The following UTS2B variants were observed in gnomAD, a reference collection of about 807,000 sequenced individuals.
UTS2B encodes urotensin-2B.
A neutral mutation model predicts 19.2 loss-of-function variants in UTS2B; 21 were observed. The ratio of observed to expected loss-of-function variants is 1.09; its 90% confidence interval spans 0.78 to 1.58. UTS2B has a LOEUF of 1.58. Ranked by LOEUF, UTS2B falls within the 40% of genes most tolerant of loss-of-function variation. The pLI, the probability that UTS2B is intolerant of heterozygous loss-of-function variation, is 0.00. For synonymous variants in UTS2B, 57 were observed against 50.2 expected (o/e 1.14, Z -0.58); for missense variants, 138 against 130.3 (o/e 1.06, Z -0.29).
chr3:191,334,030 GTGTTTT>G (rs1018315050), upstream of UTS2B, among the ~76,000 whole-genome samples: 42 of 152,168 alleles, frequency 2.8e-4, no homozygotes, highest in African/African-American at 9.6e-4. Context: ...ATGCTATTTT[GTGTTTT>G]TGATTTTTAC....
At chr3:191,310,045 C>G (rs1252332304) in intron 3 of UTS2B, among the ~76,000 whole-genome samples, 1 of 152,116 alleles carries the variant, frequency 6.6e-6, no homozygotes, top group Non-Finnish European at 1.5e-5. Flanking sequence ...TCACTGCAAC[C>G]TCTGCTTCCC....
At chr3:191,308,533 A>C (rs1331820135) in intron 3 of UTS2B, among the ~76,000 whole-genome samples, 1 of 152,068 alleles carries the variant, frequency 6.6e-6, no homozygotes, top group African/African-American at 2.4e-5. Context: ...TCTTGCAATT[A>C]TTGAGATTTG....
upstream of UTS2B, among the ~76,000 whole-genome samples, chr3:191,334,658 C>T (rs1208725836): frequency 6.6e-6 from 1 of 152,122 alleles, no homozygotes; most frequent in African/African-American, 2.4e-5. Context: ...CTTATTCTTC[C>T]CTCCATTTCT....
intron 8 of UTS2B, among the ~76,000 whole-genome samples, chr3:191,271,460 T>A (rs1381752011): frequency 6.6e-6 from 1 of 152,182 alleles, no homozygotes; most frequent in Non-Finnish European, 1.5e-5. Context: ...GTCTCAGTGA[T>A]CAGCTTTCTG....
the UTS2B span, among the ~76,000 whole-genome samples, chr3:191,340,155 C>T: frequency 6.6e-6 from 1 of 152,274 alleles, no homozygotes; most frequent in South Asian, 2.1e-4. Context: ...TAATCTGTCT[C>T]CTCACAGGTC....
At chr3:191,324,077 G>C (rs554312205) in intron 2 of UTS2B, among the ~76,000 whole-genome samples, 7 of 152,260 alleles carry the variant, frequency 4.6e-5, no homozygotes, top group African/African-American at 1.7e-4. Flanking sequence ...CTGCCCTTAT[G>C]AATGCATTAA....
chr3:191,322,710 G>C (rs974589361), intron 2 of UTS2B, among the ~76,000 whole-genome samples: 10 of 152,220 alleles, frequency 6.6e-5, no homozygotes, highest in Non-Finnish European at 8.8e-5. Context: ...ATGCAGTAGA[G>C]AGAGAAAATT....
At chr3:191,318,810 T>TTTTTTG (rs1162792657) in intron 2 of UTS2B, among the ~76,000 whole-genome samples, 1 of 152,164 alleles carries the variant, frequency 6.6e-6, no homozygotes, top group Non-Finnish European at 1.5e-5. Flanking sequence ...TACATAGTTG[T>TTTTTTG]TTTTTGTTTT....
At chr3:191,274,068 C>T (rs573056663) in intron 8 of UTS2B, among the ~76,000 whole-genome samples, 1 of 151,832 alleles carries the variant, frequency 6.6e-6, no homozygotes, top group Non-Finnish European at 1.5e-5. Context: ...TGCCATTGCA[C>T]TCCAGCCTGG....
chr3:191,293,930 G>A (rs775898045), intron 4 of UTS2B, among the ~76,000 whole-genome samples: 17 of 151,626 alleles, frequency 1.1e-4, no homozygotes, highest in Non-Finnish European at 2.4e-4. Context: ...CCAACATGGA[G>A]AAACCCTGTC....
At chr3:191,284,438 C>CA (rs1314248919) in intron 4 of UTS2B, among the ~76,000 whole-genome samples, 3 of 151,902 alleles carry the variant, frequency 2.0e-5, no homozygotes, top group Admixed American at 1.3e-4. Context: ...TCCCCTGCCT[C>CA]AGCCTCTTGA....
chr3:191,314,517 G>A (rs1339851140), intron 3 of UTS2B, among the ~76,000 whole-genome samples: 1 of 152,106 alleles, frequency 6.6e-6, no homozygotes, highest in African/African-American at 2.4e-5. Flanking sequence ...ACATATATTT[G>A]GTCTTTGACC....
rs546153841 is a variant in UTS2B, at chr3:191,323,730, A to C, written c.-586+4901T>G. On this transcript the variant is annotated intron_variant, in intron 2 of 8. Coordinates refer to ENST00000340524, the MANE Select transcript of UTS2B (RefSeq NM_198152.5). ...CAAAATGAGCTGTCAAATTTAAGCC[A>C]GTTAAGAAGAAAATGGGTATAGGGT... Among the ~76,000 whole-genome samples, 4 of 152,314 alleles carry C rather than the reference A, an allele frequency of 2.6e-5. No individual in the cohort carries two copies. The South Asian group carries it at 8.3e-4, about 32-fold the overall frequency.
intron 8 of UTS2B, among the ~76,000 whole-genome samples, chr3:191,274,169 C>A (rs899741013): frequency 1.3e-5 from 2 of 151,982 alleles, no homozygotes; most frequent in African/African-American, 4.8e-5. Context: ...TCATCCTTCA[C>A]CCTTACTGGC....
At chr3:191,334,124 G>GAT (rs1188231069), upstream of UTS2B, among the ~76,000 whole-genome samples, 1 of 152,076 alleles carries the variant, frequency 6.6e-6, no homozygotes, top group African/African-American at 2.4e-5. Flanking sequence ...AGGAATCTTA[G>GAT]ATAATTTGCA....
At chr3:191,296,533 C>T (rs6769915) in intron 4 of UTS2B, among the ~76,000 whole-genome samples, 109,417 of 152,164 alleles carry the variant, frequency 0.72, 40,199 homozygotes, top group African/African-American at 0.89. Context: ...TGTGAACATA[C>T]GGTTACTATC....
chr3:191,329,806 G>C, intron 1 of UTS2B: 3 of 1,443,936 alleles, frequency 2.1e-6, no homozygotes, highest in East Asian at 5.0e-5. Flanking sequence ...TTGCCATTTC[G>C]GCTCCCGCGG....
chr3:191,323,150 T>TGTTATTTTATTTTATTTAC (rs60408453), intron 2 of UTS2B, among the ~76,000 whole-genome samples: 1 of 120,468 alleles, frequency 8.3e-6, no homozygotes, highest in Non-Finnish European at 1.8e-5. Context: ...TTTTATTTTA[T>TGTTATTTTATTTTATTTAC]TTATTTATTT....
At position 191,280,274 on chromosome 3, in the gene UTS2B, G is replaced by A. The variant is rs184158195; in HGVS notation, c.103+1813C>T. Among the ~76,000 whole-genome samples, 269 of 152,112 alleles carry A rather than the reference G, an allele frequency of 1.8e-3. 1 individual carries two copies. The highest frequency in any genetic ancestry group is 3.4e-3 in the Middle Eastern group (1 of 294). ...TCATGATACTCTTTCTTCCTCCTTT[G>A]TGTTAGGCAGTTTGCCCAATTTCAG... On this transcript the variant is annotated intron_variant, in intron 5 of 8. Coordinates refer to ENST00000340524, the MANE Select transcript of UTS2B (RefSeq NM_198152.5).
Sources: gnomAD v4.1 joint callset for allele counts (sites outside exome capture counted in the v4.1 genomes callset) on GRCh38, gnomAD v4.1.1 for gene constraint, MANE v1.5 for transcripts, NCBI Gene and HGNC (gene_info 2026-07-23, HGNC 2026-07-21) for gene names.